The following TRIM5 variants were observed in gnomAD, a reference collection of about 807,000 sequenced individuals.
The protein encoded by TRIM5 is tripartite motif containing 5, also known as tripartite motif-containing protein 5.
In TRIM5, 31 loss-of-function variants were observed where a neutral mutation model predicts 35.6. The ratio of observed to expected loss-of-function variants is 0.87; its 90% CI spans 0.65 to 1.18. TRIM5 has a LOEUF of 1.18. Ranked by LOEUF, TRIM5 falls within the 50% of genes most tolerant of loss-of-function variation. TRIM5 has a pLI of 0.00. For missense variants in TRIM5, 609 were observed against 591.6 expected, an observed-to-expected ratio of 1.03 and a Z score of -0.31; for synonymous variants, 243 against 215.6, an observed-to-expected ratio of 1.13 and a Z score of -1.11.
chr11:5,663,867 C>T lies in TRIM5; in HGVS notation c.*942G>A, dbSNP rs1850930911. The T allele has an allele frequency of 6.5e-6, 1 of 152,988 alleles. No individual in the cohort carries two copies. The highest frequency in any genetic ancestry group is 2.1e-4 in the South Asian group (1 of 4,858). The allele number at this position is 152,988 out of a possible 1,614,324, so 9.5% of individuals were successfully genotyped here. On this transcript the variant is annotated 3_prime_UTR_variant, in exon 8 of 8. Coordinates refer to ENST00000380034, the MANE Select transcript of TRIM5 (RefSeq NM_033034.3). ...CCTACTATGCAATAAAACATTAGCA[C>T]TTATTTAATGTGAAGTTTTTAATAC...
chr11:5,603,303 A>T, the TRIM5 span: 16 of 1,614,032 alleles, frequency 9.9e-6, no homozygotes, highest in East Asian at 3.6e-4. Context: ...GAGCCAGGAG[A>T]GTAGCTACAA....
chr11:5,682,160 T>A (rs1043652059), intron 1 of TRIM5, among the ~76,000 whole-genome samples: 2 of 152,174 alleles, frequency 1.3e-5, no homozygotes, highest in South Asian at 2.1e-4. Context: ...TCCTAGTACT[T>A]TGGGAGGCCA....
At chr11:5,667,753 C>G (rs375855690) in intron 4 of TRIM5, 42 bp from the exon 5 acceptor site, 232 of 1,603,716 alleles carry the variant, frequency 1.4e-4, no homozygotes, top group Admixed American at 6.5e-4. Flanking sequence ...AAGAAAGAGT[C>G]TCTCCTCACT....
intron 4 of TRIM5, among the ~76,000 whole-genome samples, chr11:5,676,514 G>C (rs1359243493): frequency 1.3e-5 from 2 of 152,114 alleles, no homozygotes; most frequent in African/African-American, 4.8e-5. Context: ...TCAATATCGT[G>C]AAAATGGCCA....
At chr11:5,605,182 C>T in the TRIM5 span, 1 of 998,482 alleles carries the variant, frequency 1.0e-6, no homozygotes, top group Non-Finnish European at 1.5e-6. Context: ...AAGGAAAGAA[C>T]AGGCTACAAA....
the TRIM5 span, chr11:5,655,716 A>C: frequency 2.0e-6 from 2 of 984,950 alleles, no homozygotes; most frequent in African/African-American, 3.5e-5. Context: ...AAAAAAGAAT[A>C]AGATAGATAA....
the TRIM5 span, among the ~76,000 whole-genome samples, chr11:5,600,874 A>G: frequency 6.6e-6 from 1 of 151,994 alleles, no homozygotes; most frequent in Non-Finnish European, 1.5e-5. Context: ...CCCAAACACA[A>G]CTCCAGGTAG....
At chr11:5,671,957 G>T (rs1007398539) in intron 4 of TRIM5, among the ~76,000 whole-genome samples, 1 of 151,878 alleles carries the variant, frequency 6.6e-6, no homozygotes, top group South Asian at 2.1e-4. Flanking sequence ...TCAAGGCAAA[G>T]AAAAAACTAA....
chr11:5,596,522 C>CCCCCTT, the TRIM5 span: 99 of 29,266 alleles, frequency 3.4e-3, 2 homozygotes, highest in East Asian at 6.2e-3. Context: ...TTCTCCCCTT[C>CCCCCTT]CCCCCTTCCC....
Position 5,679,181 on chromosome 11 carries a change from G to C in TRIM5, c.418-12C>G. The C allele has an allele frequency of 6.2e-7, 1 of 1,610,640 alleles. No homozygotes were observed. Among genetic ancestry groups the C allele is most frequent in the South Asian group, 1.1e-5 (1 of 90,906 alleles). On this transcript the variant is annotated splice_polypyrimidine_tract_variant and intron_variant, in intron 2 of 7. Transcript: ENST00000380034. ...GCCTGGAGCTTCACCTGTGAGAAAG[G>C]AATCACACCATAGTCAAGCTATGAG...
chr11:5,621,419 G>C, the TRIM5 span, among the ~76,000 whole-genome samples: 1 of 152,130 alleles, frequency 6.6e-6, no homozygotes, highest in Non-Finnish European at 1.5e-5. Context: ...AGCCACTCCT[G>C]TTTACATAGA....
In TRIM5 at chr11:5,666,033, T is replaced by G; in HGVS notation, c.816A>C (p.Gln272His). The G allele has an allele frequency of 6.2e-7, 1 of 1,613,896 alleles. No individual in the cohort carries two copies. Among genetic ancestry groups the G allele is most frequent in the Non-Finnish European group, 8.5e-7 (1 of 1,179,960 alleles). Residue 272 changes from glutamine to histidine, a missense_variant, in exon 6 of 8, where the codon CAA (glutamine) becomes CAC (histidine). Transcript: ENST00000380034. ...LKKPETFPKN[Q>H]RRVFRAPDLK... is the part of the protein sequence containing the mutation. ...GATCAGGAGCTCGAAACACTCTCCTTTGATTTTTTGGAAAAGTTTCTGGCT... is the reference window on the plus strand; with the variant it reads ...GATCAGGAGCTCGAAACACTCTCCTGTGATTTTTTGGAAAAGTTTCTGGCT...
chr11:5,620,671 G>A, the TRIM5 span, among the ~76,000 whole-genome samples: 34 of 152,138 alleles, frequency 2.2e-4, no homozygotes, highest in Non-Finnish European at 4.6e-4. Flanking sequence ...GGTTATGGGT[G>A]CACATTATGC....
At chr11:5,659,817 C>A (rs773743393), downstream of TRIM5, among the ~76,000 whole-genome samples, 6 of 151,598 alleles carry the variant, frequency 4.0e-5, no homozygotes, top group Non-Finnish European at 8.8e-5. Flanking sequence ...CTGCTACATA[C>A]AGCAGCTGAA....
At chr11:5,680,287 T>C in intron 1 of TRIM5, 49 bp from the exon 2 acceptor site, 12 of 1,127,210 alleles carry the variant, frequency 1.1e-5, no homozygotes, top group Non-Finnish European at 1.5e-5. Flanking sequence ...AAGGTAGAAA[T>C]AGAAAGGATA....
chr11:5,605,897 T>C, the TRIM5 span, among the ~76,000 whole-genome samples: 1 of 152,222 alleles, frequency 6.6e-6, no homozygotes, highest in Non-Finnish European at 1.5e-5. Context: ...TGGATAATTC[T>C]TTGCTGCGTG....
At chr11:5,670,373 G>T (rs971178270) in intron 4 of TRIM5, among the ~76,000 whole-genome samples, 1 of 151,250 alleles carries the variant, frequency 6.6e-6, no homozygotes, top group African/African-American at 2.4e-5. Flanking sequence ...TTTTAGTAGA[G>T]ATGGGTTTTC....
the TRIM5 span, among the ~76,000 whole-genome samples, chr11:5,598,155 C>G: frequency 1.3e-5 from 2 of 152,204 alleles, no homozygotes; most frequent in Admixed American, 6.5e-5. Flanking sequence ...AATGCCTTCT[C>G]TCAGCCCGTC....
chr11:5,673,894 T>G (rs929998434), intron 4 of TRIM5, among the ~76,000 whole-genome samples: 2 of 151,708 alleles, frequency 1.3e-5, no homozygotes, highest in Non-Finnish European at 2.9e-5. Context: ...TTAAAATGTA[T>G]GAAATATAGT....
Sources: gnomAD v4.1 joint callset for allele counts (sites outside exome capture counted in the v4.1 genomes callset) on GRCh38, gnomAD v4.1.1 for gene constraint, MANE v1.5 for transcripts, NCBI Gene and HGNC (gene_info 2026-07-23, HGNC 2026-07-21) for gene names.